Variants in TUBGCP3 observed in about 807,000 individuals in gnomAD.
TUBGCP3 encodes the protein tubulin gamma complex component 3.
TUBGCP3 carries 50 observed loss-of-function variants against 123.1 expected under a neutral mutation model. The observed-to-expected ratio is 0.41, with a 90% CI of 0.32 to 0.51. TUBGCP3 has a LOEUF of 0.51. Among genes scored for constraint, TUBGCP3 ranks in the 20% least tolerant of loss-of-function variants. The probability of loss-of-function intolerance (pLI) is 0.36; values close to 1 mark genes in which losing one functional copy is unlikely to be tolerated. For missense variants in TUBGCP3, 882 were observed against 1,127.0 expected (o/e 0.78, Z 3.11); for synonymous variants, 405 against 413.9 (o/e 0.98, Z 0.26).
intron 16 of TUBGCP3, among the ~76,000 whole-genome samples, chr13:112,517,900 A>C (rs998930285): frequency 5.9e-5 from 9 of 152,224 alleles, no homozygotes; most frequent in African/African-American, 1.7e-4. Flanking sequence ...TCAAAAATAA[A>C]TTAAATAAAT....
At chr13:112,529,445 C>A (rs752111880) in intron 11 of TUBGCP3, among the ~76,000 whole-genome samples, 1 of 152,146 alleles carries the variant, frequency 6.6e-6, no homozygotes, top group African/African-American at 2.4e-5. Flanking sequence ...CCAATGATGA[C>A]CAATTCGTTT....
intron 1 of TUBGCP3, among the ~76,000 whole-genome samples, chr13:112,580,452 C>A (rs1194382514): frequency 6.6e-6 from 1 of 151,498 alleles, no homozygotes; most frequent in African/African-American, 2.4e-5. Flanking sequence ...GACAATACAG[C>A]AAGATCCTTC....
intron 19 of TUBGCP3, among the ~76,000 whole-genome samples, chr13:112,500,657 G>A (rs552038382): frequency 6.6e-6 from 1 of 152,288 alleles, no homozygotes; most frequent in South Asian, 2.1e-4. Context: ...AAAAGAAACC[G>A]AGATAACAGG....
intron 21 of TUBGCP3, 103 bp from the exon 22 acceptor site, chr13:112,486,254 C>A: frequency 7.1e-7 from 1 of 1,405,042 alleles, no homozygotes; most frequent in East Asian, 2.4e-5. Flanking sequence ...GTTTTTCCTT[C>A]CAGATCAACA....
rs186910487 is a variant in TUBGCP3 at position 112,570,259 on chromosome 13, C to T, written c.77-1000G>A. ...GATGCACAATTTGTCTATGAGAAAA[C>T]TGATCAGCCCAAGAGAAAAGAGAGA... On this transcript the variant is annotated intron_variant, in intron 1 of 21. Coordinates refer to ENST00000261965, the MANE Select transcript of TUBGCP3 (RefSeq NM_006322.6). Among the ~76,000 whole-genome samples, 108 of 152,224 alleles carry T rather than the reference C, an allele frequency of 7.1e-4. 1 individual carries two copies. The highest frequency in any genetic ancestry group is 2.6e-3 in the African/African-American group (107 of 41,534).
intron 11 of TUBGCP3, among the ~76,000 whole-genome samples, chr13:112,535,874 C>T (rs1339445618): frequency 6.6e-6 from 1 of 152,196 alleles, no homozygotes; most frequent in Non-Finnish European, 1.5e-5. Context: ...ACCACTATAT[C>T]TTCTTCTAAG....
chr13:112,561,550 A>G lies in TUBGCP3; in HGVS notation c.253-2151T>C, dbSNP rs536816405. On this transcript the variant is annotated intron_variant, in intron 3 of 21. Coordinates refer to ENST00000261965, the MANE Select transcript of TUBGCP3 (RefSeq NM_006322.6). ...GAGTCAAGATGACACTCAGGTTCTC[A>G]TGGGGGGCAAGATCAATGGTGCTGT... Among the ~76,000 whole-genome samples the G allele has an allele frequency of 9.2e-5, 14 of 152,318 alleles. 1 individual carries two copies. In the South Asian group the frequency reaches 1.7e-3, roughly 18 times the overall value.
At chr13:112,573,064 C>T (rs1881540304) in intron 1 of TUBGCP3, among the ~76,000 whole-genome samples, 1 of 151,410 alleles carries the variant, frequency 6.6e-6, no homozygotes, top group Admixed American at 6.6e-5. Context: ...TACCTGAGGG[C>T]ATCATCTAAA....
At chr13:112,500,045 T>TA (rs1471195039) in intron 19 of TUBGCP3, among the ~76,000 whole-genome samples, 1 of 152,096 alleles carries the variant, frequency 6.6e-6, no homozygotes, top group African/African-American at 2.4e-5. Context: ...GGGAAGGGGA[T>TA]AAAATTAAAC....
chr13:112,506,150 GACAA>G (rs1305880357), intron 17 of TUBGCP3, among the ~76,000 whole-genome samples: 31 of 152,234 alleles, frequency 2.0e-4, no homozygotes, highest in African/African-American at 7.0e-4. Flanking sequence ...GGCAGACTTA[GACAA>G]TGCACCTTTC....
chr13:112,534,390 C>CA (rs1282008368), intron 11 of TUBGCP3, among the ~76,000 whole-genome samples: 1 of 152,026 alleles, frequency 6.6e-6, no homozygotes, highest in Non-Finnish European at 1.5e-5. Flanking sequence ...ACTAAAAGTA[C>CA]AAAAAATTAG....
In TUBGCP3 at chr13:112,554,757, C is replaced by A. The variant is rs1034152033; in HGVS notation, c.840+130G>T. On this transcript the variant is annotated intron_variant, in intron 7 of 21. Coordinates refer to ENST00000261965, the MANE Select transcript of TUBGCP3 (RefSeq NM_006322.6). Reference sequence around the variant, plus strand: ...GACAGAAATAGAAACCAGAATTCCACAGTGCAATTTCACCTCACAACCGAT... The same window carrying A: ...GACAGAAATAGAAACCAGAATTCCAAAGTGCAATTTCACCTCACAACCGAT... 36 of 627,998 alleles carry A rather than the reference C, an allele frequency of 5.7e-5. No individual in the cohort carries two copies. The African/African-American group carries it at 6.1e-4, about 11-fold the overall frequency. 38.9% of individuals were successfully genotyped at this position (627,998 alleles called of 1,614,324 possible). A position where few individuals can be genotyped will look rare whatever the true frequency, so the allele number is the denominator to read the frequency against.
intron 14 of TUBGCP3, chr13:112,521,688 G>C: frequency 1.0e-6 from 1 of 985,438 alleles, no homozygotes; most frequent in Non-Finnish European, 1.2e-6. Flanking sequence ...AGGAACACCA[G>C]AAAAGAAGTT....
chr13:112,534,486 G>A (rs1228944523), intron 11 of TUBGCP3, among the ~76,000 whole-genome samples: 2 of 152,142 alleles, frequency 1.3e-5, no homozygotes, highest in African/African-American at 4.8e-5. Flanking sequence ...GGTGGAGCTT[G>A]CAGTGAGTCG....
chr13:112,548,633 T>C (rs1879274644), intron 8 of TUBGCP3, among the ~76,000 whole-genome samples: 1 of 152,076 alleles, frequency 6.6e-6, no homozygotes, highest in Admixed American at 6.5e-5. Context: ...TTAAACAAAT[T>C]TACAAGAAAA....
At chr13:112,590,640 T>C (rs1196972031), upstream of TUBGCP3, among the ~76,000 whole-genome samples, 1 of 152,110 alleles carries the variant, frequency 6.6e-6, no homozygotes, top group Non-Finnish European at 1.5e-5. Context: ...TTATTCCGAT[T>C]TGGGGAGTTC....
rs532140941 is a variant in TUBGCP3, at chr13:112,486,954, T to C, written c.2566-803A>G. Among the ~76,000 whole-genome samples, 4 of 152,306 alleles carry C rather than the reference T, an allele frequency of 2.6e-5. No homozygotes were observed. The South Asian group carries it at 8.3e-4, about 32-fold the overall frequency. ...GCTGTCACTGCCCCTTCCCAGCTTC[T>C]GGTCAGAAACACGAATGCTGAAGCT... On this transcript the variant is annotated intron_variant, in intron 21 of 21. Coordinates refer to ENST00000261965, the MANE Select transcript of TUBGCP3 (RefSeq NM_006322.6).
At position 112,519,822 on chromosome 13, in the gene TUBGCP3, A is replaced by C; in HGVS notation, c.1881+64T>G. On this transcript the variant is annotated intron_variant, in intron 15 of 21. Transcript: ENST00000261965. This position sits in a 1 kb window ranked among gnomAD's most constrained non-coding sequence, Gnocchi z 6.2. ...AAACAACATGGAAAACACTCGCTAG[A>C]ACACCCCGGCCCAGTGGGTCCTCGG... 6.4e-7 allele frequency: 1 copy of C among 1,557,794 alleles called. No homozygotes were observed. Among genetic ancestry groups the C allele is most frequent in the Non-Finnish European group, 8.7e-7 (1 of 1,151,796 alleles).
chr13:112,532,488 C>G (rs1173746737), intron 11 of TUBGCP3, among the ~76,000 whole-genome samples: 1 of 152,184 alleles, frequency 6.6e-6, no homozygotes, highest in Admixed American at 6.5e-5. Context: ...CCCATCTTTT[C>G]TTGCTGCTAG....
Sources: allele counts gnomAD v4.1 joint callset (sites outside exome capture counted in the v4.1 genomes callset), GRCh38; gene constraint gnomAD v4.1.1; non-coding constraint Gnocchi (gnomAD v3.1); transcripts MANE v1.5; gene names NCBI Gene and HGNC (gene_info 2026-07-23, HGNC 2026-07-21).